Variants in PPFIA2 observed in about 807,000 individuals in gnomAD.
The protein encoded by PPFIA2 is liprin-alpha-2.
Under a neutral mutation model 175.5 loss-of-function variants are expected in PPFIA2, and 46 were observed. The ratio of observed to expected loss-of-function variants is 0.26; its 90% CI spans 0.21 to 0.34. The LOEUF is 0.34. Ranked by LOEUF, PPFIA2 falls within the 10% of genes least tolerant of loss-of-function variation. The pLI is 1.00. For synonymous variants in PPFIA2, 568 were observed against 511.4 expected (o/e 1.11, Z -1.49); for missense variants, 1,179 against 1,506.1 (o/e 0.78, Z 3.60).
In PPFIA2 at chr12:81,314,382, G is replaced by C. The variant is rs144343705; in HGVS notation, c.2642+11395C>G. On this transcript the variant is annotated intron_variant, in intron 22 of 32. Coordinates refer to ENST00000549396, the MANE Select transcript of PPFIA2 (RefSeq NM_003625.5). Reference sequence around the variant, plus strand: ...CAGAAGTGTCAAGGCTATGTTAATAGTAAGAAAGATTCTGTCAAGAATAAA... The same window carrying C: ...CAGAAGTGTCAAGGCTATGTTAATACTAAGAAAGATTCTGTCAAGAATAAA... 6.9e-3 allele frequency among the ~76,000 whole-genome samples: 1,046 copies of C among 151,916 alleles called. 17 individuals carry two copies. The highest frequency in any genetic ancestry group is 0.024 in the African/African-American group (997 of 41,496).
Position 81,717,541 on chromosome 12 carries a change from T to C in PPFIA2, c.249+36432A>G, listed in dbSNP as rs1596749608. 3.3e-5 allele frequency among the ~76,000 whole-genome samples: 5 copies of C among 151,882 alleles called. No homozygotes were observed. In the South Asian group the frequency reaches 1.0e-3, roughly 31 times the overall value. On this transcript the variant is annotated intron_variant, in intron 3 of 32. Transcript: ENST00000549396. ...TATTTTCCTTTGTTATTTGTTTATA[T>C]GACTATCTTCACCCAGAAGCATAAT...
intron 7 of PPFIA2, among the ~76,000 whole-genome samples, chr12:81,418,405 G>GT (rs1463793526): frequency 2.0e-5 from 3 of 151,712 alleles, no homozygotes; most frequent in African/African-American, 4.8e-5. Context: ...CCTTATTTCT[G>GT]TTTTTGTCAG....
At chr12:81,318,544 C>A (rs1475736297) in intron 22 of PPFIA2, among the ~76,000 whole-genome samples, 1 of 151,616 alleles carries the variant, frequency 6.6e-6, no homozygotes, top group East Asian at 1.9e-4. Context: ...TAAAAATCAT[C>A]CTTAAGTATA....
At chr12:81,461,671 C>T (rs117687972) in intron 4 of PPFIA2, among the ~76,000 whole-genome samples, 1,892 of 152,154 alleles carry the variant, frequency 0.012, 20 homozygotes, top group South Asian at 0.031. Context: ...TCAAAAGCCT[C>T]CTTCTTAGAT....
chr12:81,422,862 G>C (rs1317810362), intron 7 of PPFIA2, among the ~76,000 whole-genome samples: 1 of 152,024 alleles, frequency 6.6e-6, no homozygotes, highest in Non-Finnish European at 1.5e-5. Context: ...GAACTTTTGG[G>C]AGATGTATTC....
chr12:81,354,370 T>C (rs1455807381), intron 16 of PPFIA2, among the ~76,000 whole-genome samples: 1 of 152,186 alleles, frequency 6.6e-6, no homozygotes, highest in African/African-American at 2.4e-5. Flanking sequence ...TTTGTTGTCA[T>C]TTTAACAATG....
At chr12:81,573,668 C>A (rs1434646787) in intron 4 of PPFIA2, among the ~76,000 whole-genome samples, 1 of 151,814 alleles carries the variant, frequency 6.6e-6, no homozygotes, top group Non-Finnish European at 1.5e-5. Flanking sequence ...GCCTCTATCT[C>A]CCCAACTATG....
Position 81,463,551 on chromosome 12 carries a change from G to C in PPFIA2, c.304-5685C>G, listed in dbSNP as rs76479753. Reference sequence around the variant, plus strand: ...GAACAGTCAAGATCTAGACCACACAGTGCCACAACAGTACCCTCAGCACGA... The same window carrying C: ...GAACAGTCAAGATCTAGACCACACACTGCCACAACAGTACCCTCAGCACGA... On this transcript the variant is annotated intron_variant, in intron 4 of 32. Coordinates refer to ENST00000549396, the MANE Select transcript of PPFIA2 (RefSeq NM_003625.5). Among the ~76,000 whole-genome samples the C allele has an allele frequency of 1.0e-2, 1,516 of 152,200 alleles. 30 individuals carry two copies. Among genetic ancestry groups the C allele is most frequent in the African/African-American group, 0.035 (1,436 of 41,524 alleles).
chr12:81,683,920 G>A (rs2153579254), intron 3 of PPFIA2, among the ~76,000 whole-genome samples: 1 of 152,214 alleles, frequency 6.6e-6, no homozygotes, highest in Admixed American at 6.6e-5. Flanking sequence ...GTGAAAGAGT[G>A]AGGAGGTGCC....
intron 8 of PPFIA2, among the ~76,000 whole-genome samples, chr12:81,391,267 G>A (rs190126812): frequency 5.8e-4 from 88 of 152,016 alleles, no homozygotes; most frequent in African/African-American, 2.0e-3. Flanking sequence ...GAAAGGAGGG[G>A]AGTACTTATT....
chr12:81,377,629 C>A (rs917097945), intron 9 of PPFIA2, among the ~76,000 whole-genome samples: 1 of 151,902 alleles, frequency 6.6e-6, no homozygotes, highest in Non-Finnish European at 1.5e-5. Context: ...TGCCCACCCA[C>A]AAGTTAGCTC....
intron 3 of PPFIA2, among the ~76,000 whole-genome samples, chr12:81,724,978 C>T (rs565264763): frequency 7.9e-5 from 12 of 151,122 alleles, no homozygotes; most frequent in African/African-American, 2.9e-4. Flanking sequence ...TCTCCACACC[C>T]TCATCAGCGT....
intron 11 of PPFIA2, chr12:81,369,449 A>G (rs531484497): frequency 2.7e-4 from 358 of 1,307,056 alleles, no homozygotes; most frequent in Non-Finnish European, 3.4e-4. Flanking sequence ...TAACATGCAG[A>G]CTGTGCATGG....
At chr12:81,705,072 G>A (rs1326930347) in intron 3 of PPFIA2, among the ~76,000 whole-genome samples, 1 of 80,790 alleles carries the variant, frequency 1.2e-5, no homozygotes, top group Non-Finnish European at 2.3e-5. Flanking sequence ...CAACAAGAGT[G>A]AAACTCTGTC....
chr12:81,373,618 C>T (rs756764257), intron 11 of PPFIA2, among the ~76,000 whole-genome samples: 7 of 151,522 alleles, frequency 4.6e-5, no homozygotes, highest in Non-Finnish European at 7.4e-5. Flanking sequence ...TCCTGCTCTA[C>T]GCAGTCAAAG....
At chr12:81,603,614 T>C (rs1183342225) in intron 4 of PPFIA2, among the ~76,000 whole-genome samples, 1 of 151,594 alleles carries the variant, frequency 6.6e-6, no homozygotes, top group Non-Finnish European at 1.5e-5. Context: ...GGCTTATTAA[T>C]TAGGGTGACT....
chr12:81,715,940 C>T (rs1026422637), intron 3 of PPFIA2, among the ~76,000 whole-genome samples: 3 of 151,082 alleles, frequency 2.0e-5, no homozygotes, highest in African/African-American at 2.4e-5. Flanking sequence ...ACTCACAGTT[C>T]AATTAAAAAC....
intron 7 of PPFIA2, among the ~76,000 whole-genome samples, chr12:81,420,895 A>C (rs1033873212): frequency 6.6e-6 from 1 of 152,088 alleles, no homozygotes; most frequent in Non-Finnish European, 1.5e-5. Flanking sequence ...AAAGTCAAGG[A>C]CAAAGAGATT....
chr12:81,624,578 C>A (rs2062464545), intron 4 of PPFIA2, among the ~76,000 whole-genome samples: 2 of 143,550 alleles, frequency 1.4e-5, no homozygotes, highest in South Asian at 4.3e-4. Context: ...GTGACCTGGA[C>A]AAATATATAT....
Sources: gnomAD v4.1 joint callset for allele counts (sites outside exome capture counted in the v4.1 genomes callset) on GRCh38, gnomAD v4.1.1 for gene constraint, MANE v1.5 for transcripts, NCBI Gene and HGNC (gene_info 2026-07-23, HGNC 2026-07-21) for gene names.